The following VAMP2 variants were observed in gnomAD, a reference collection of about 807,000 sequenced individuals.
The protein encoded by VAMP2 is vesicle associated membrane protein 2, also known as vesicle-associated membrane protein 2.
For synonymous variants in VAMP2, 67 were observed against 57.3 expected, an observed-to-expected ratio of 1.17 and a Z score of -0.76; for missense variants, 95 against 151.3, an observed-to-expected ratio of 0.63 and a Z score of 1.95.
rs1460423790 is a variant in VAMP2 at position 8,159,227 on chromosome 17, A to AG, written c.*1627dup. 2.5e-4 allele frequency: 10 copies of AG among 40,080 alleles called. No homozygotes were observed. Among genetic ancestry groups the AG allele is most frequent in the African/African-American group, 9.6e-4 (10 of 10,460 alleles). The allele number at this position is 40,080 out of a possible 1,614,324, so 2.5% of individuals were successfully genotyped here. ...AATTGGGGGCATGGGGTGGGGGAAGAGGGGGGCAGGGGACACTGGGATAAT... is the reference window on the plus strand; with the variant it reads ...AATTGGGGGCATGGGGTGGGGGAAGAGGGGGGGCAGGGGACACTGGGATAAT... On this transcript the variant is annotated 3_prime_UTR_variant, in exon 5 of 5. Transcript: ENST00000316509.
In VAMP2 at chr17:8,160,375, C is replaced by CTTTTTTTTTTTTTTT. The variant is rs1983257163; in HGVS notation, c.*479_*480insAAAAAAAAAAAAAAA. 1 of 46,820 alleles carries CTTTTTTTTTTTTTTT rather than the reference C, an allele frequency of 2.1e-5. No homozygotes were observed. Among genetic ancestry groups the CTTTTTTTTTTTTTTT allele is most frequent in the Non-Finnish European group, 4.6e-5 (1 of 21,696 alleles). The allele number at this position is 46,820 out of a possible 1,614,324, so 2.9% of individuals were successfully genotyped here. Reference sequence around the variant, plus strand: ...GTACCTAAGGAAGCCTGGACAGGTGCTGTTGTTTTTTTTTTTTTTTTTTTT... The same window carrying CTTTTTTTTTTTTTTT: ...GTACCTAAGGAAGCCTGGACAGGTGCTTTTTTTTTTTTTTTTGTTGTTTTTTTTTTTTTTTTTTTT... On this transcript the variant is annotated 3_prime_UTR_variant, in exon 5 of 5. Transcript: ENST00000316509.
At position 8,161,776 on chromosome 17, in the gene VAMP2, G is replaced by A. The variant is rs745675089; in HGVS notation, c.124-10C>T. On this transcript the variant is annotated splice_polypyrimidine_tract_variant and intron_variant, in intron 2 of 4. Transcript: ENST00000316509. ...TCATGATGTCCACCACCTGGGAGAA[G>A]GGCCCACGAGGCAGGGGGGTGTGCC... 6.2e-7 allele frequency: 1 copy of A among 1,610,374 alleles called. No individual in the cohort carries two copies. The highest frequency in any genetic ancestry group is 1.7e-5 in the Admixed American group (1 of 59,880).
chr17:8,162,489 A>G (rs1983347173), intron 1 of VAMP2, 120 bp from the exon 2 acceptor site: 1 of 1,545,248 alleles, frequency 6.5e-7, no homozygotes. Flanking sequence ...GAGGAAGGCC[A>G]CCCGATGTAA....
chr17:8,160,213 T>C lies in VAMP2; in HGVS notation c.*642A>G. 1 of 151,992 alleles carries C rather than the reference T, an allele frequency of 6.6e-6. No homozygotes were observed. The highest frequency in any genetic ancestry group is 1.5e-5 in the Non-Finnish European group (1 of 67,958). The allele number at this position is 151,992 out of a possible 1,614,324, so 9.4% of individuals were successfully genotyped here. On this transcript the variant is annotated 3_prime_UTR_variant, in exon 5 of 5. Coordinates refer to ENST00000316509, the MANE Select transcript of VAMP2 (RefSeq NM_014232.3). ...GAAACACAGGTTGAGAGAAGAGTGA[T>C]GGAACAAAAAGAAATGGAAAGGGAT...
chr17:8,162,725 G>A, intron 1 of VAMP2, 153 bp downstream of exon 1: 1 of 1,288,390 alleles, frequency 7.8e-7, no homozygotes, highest in Non-Finnish European at 9.8e-7. Context: ...CGGGACGCGG[G>A]GCTCCTCGGC....
rs762458663 is a variant in VAMP2, at chr17:8,159,350, C to G, written c.*1505G>C. ...CCTGCTCCCCCTCCACACAGAAAACCAGAAGTGTGGGGGGAAGAAAGTTTG... is the reference window on the plus strand; with the variant it reads ...CCTGCTCCCCCTCCACACAGAAAACGAGAAGTGTGGGGGGAAGAAAGTTTG... On this transcript the variant is annotated 3_prime_UTR_variant, in exon 5 of 5. Transcript: ENST00000316509. 2.0e-5 allele frequency: 3 copies of G among 152,412 alleles called. No homozygotes were observed. Among genetic ancestry groups the G allele is most frequent in the Non-Finnish European group, 4.4e-5 (3 of 68,036 alleles). The allele number at this position is 152,412 out of a possible 1,614,324, so 9.4% of individuals were successfully genotyped here. A position where few individuals can be genotyped will look rare whatever the true frequency, so the allele number is the denominator to read the frequency against.
chr17:8,162,904 T>G lies in VAMP2; in HGVS notation c.-25A>C, dbSNP rs1440068415. ...TGGCGGGGGCAGCGGGTGGAGGACT[T>G]GGCAGCGGCAGTGATGGCGGCGGCG... On this transcript the variant is annotated 5_prime_UTR_variant, in exon 1 of 5. Coordinates refer to ENST00000316509, the MANE Select transcript of VAMP2 (RefSeq NM_014232.3). 1 of 1,209,916 alleles carries G rather than the reference T, an allele frequency of 8.3e-7. No homozygotes were observed. Among genetic ancestry groups the G allele is most frequent in the African/African-American group, 1.6e-5 (1 of 63,494 alleles). The allele number at this position is 1,209,916 out of a possible 1,614,324, so 74.9% of individuals were successfully genotyped here.
chr17:8,162,715 C>T (rs1983355228), intron 1 of VAMP2, 163 bp downstream of exon 1: 4 of 1,302,034 alleles, frequency 3.1e-6, no homozygotes, highest in South Asian at 2.3e-5. Flanking sequence ...CCGGCCAGCC[C>T]GGGACGCGGG....
chr17:8,161,909 G>T, intron 2 of VAMP2, 143 bp from the exon 3 acceptor site: 1 of 1,313,854 alleles, frequency 7.6e-7, no homozygotes, highest in Non-Finnish European at 1.0e-6. Context: ...CACAGAACAT[G>T]CCTAGCACAC....
intron 4 of VAMP2, 41 bp from the exon 5 acceptor site, chr17:8,160,912 G>T: frequency 6.6e-7 from 1 of 1,515,062 alleles, no homozygotes; most frequent in Non-Finnish European, 9.1e-7. Flanking sequence ...AGGGAGAGGG[G>T]AGAGAAAGAG....
chr17:8,161,195 A>G (rs1330292220), intron 4 of VAMP2: 4 of 571,376 alleles, frequency 7.0e-6, no homozygotes, highest in African/African-American at 5.6e-5. Context: ...CCCACTCCTC[A>G]ATTCCAGGGT....
At position 8,162,348 on chromosome 17, in the gene VAMP2, G is replaced by C. The variant is rs528404417; in HGVS notation, c.24C>G (p.Ala8=). Reference sequence around the variant, plus strand: ...CCTCCCCAGCCGGGGCAGCAGGGGGGGCCGTGGCAGCGGTAGCAGACCTGA... The same window carrying C: ...CCTCCCCAGCCGGGGCAGCAGGGGGCGCCGTGGCAGCGGTAGCAGACCTGA... The part of the protein sequence containing the change: MSATAAT[A]PPAAPAGEGG... Residue 8 remains alanine (A), a synonymous_variant, in exon 2 of 5, where the codon GCC becomes GCG. Transcript: ENST00000316509. 6.2e-6 allele frequency: 10 copies of C among 1,607,258 alleles called. No individual in the cohort carries two copies. The African/African-American group carries it at 6.7e-5, about 11-fold the overall frequency.
Position 8,160,386 on chromosome 17 carries a change from T to TTTTTTTTTTTTTTTTTTTTG in VAMP2, c.*449_*468dup, listed in dbSNP as rs1983264956. On this transcript the variant is annotated 3_prime_UTR_variant, in exon 5 of 5. Transcript: ENST00000316509. The stretch of plus-strand genomic sequence containing the variant: ...AGCCTGGACAGGTGCTGTTGTTTTT[T>TTTTTTTTTTTTTTTTTTTTG]TTTTTTTTTTTTTTTTTTTGAGGGC... The TTTTTTTTTTTTTTTTTTTTG allele has an allele frequency of 1.6e-5, 2 of 125,184 alleles. 1 individual carries two copies. The highest frequency in any genetic ancestry group is 3.4e-5 in the Non-Finnish European group (2 of 58,868). The allele number at this position is 125,184 out of a possible 1,614,324, so 7.8% of individuals were successfully genotyped here. A position where few individuals can be genotyped will look rare whatever the true frequency, so the allele number is the denominator to read the frequency against.
In VAMP2 at chr17:8,162,892, G is replaced by C. The variant is rs539569127; in HGVS notation, c.-13C>G. 4.3e-4 allele frequency: 526 copies of C among 1,211,654 alleles called. 3 individuals are homozygous for C. In the African/African-American group the frequency reaches 7.6e-3, roughly 18 times the overall value. The allele number at this position is 1,211,654 out of a possible 1,614,324, so 75.1% of individuals were successfully genotyped here. On this transcript the variant is annotated 5_prime_UTR_variant, in exon 1 of 5. Transcript: ENST00000316509. ...GGCCGACTCACATGGCGGGGGCAGC[G>C]GGTGGAGGACTTGGCAGCGGCAGTG...
chr17:8,160,148 G>C lies in VAMP2; in HGVS notation c.*707C>G, dbSNP rs963330906. 1 of 152,390 alleles carries C rather than the reference G, an allele frequency of 6.6e-6. No individual in the cohort carries two copies. Among genetic ancestry groups the C allele is most frequent in the Non-Finnish European group, 1.5e-5 (1 of 68,014 alleles). 9.4% of individuals were successfully genotyped at this position (152,390 alleles called of 1,614,324 possible). On this transcript the variant is annotated 3_prime_UTR_variant, in exon 5 of 5. Coordinates refer to ENST00000316509, the MANE Select transcript of VAMP2 (RefSeq NM_014232.3). ...AGTAATGTCGTGCAAATGAAAATGT[G>C]ATACAAGAACTAATGGGGACTAACT...
At position 8,160,718 on chromosome 17, in the gene VAMP2, A is replaced by T; in HGVS notation, c.*137T>A. On this transcript the variant is annotated 3_prime_UTR_variant, in exon 5 of 5. Coordinates refer to ENST00000316509, the MANE Select transcript of VAMP2 (RefSeq NM_014232.3). ...ATGTATAAATAACAGCTGGCTATTT[A>T]CAGGGGGACACACACACGGACACAC... is the stretch of plus-strand genomic sequence containing the variant. 1.5e-6 allele frequency: 1 copy of T among 653,752 alleles called. No individual in the cohort carries two copies. Among genetic ancestry groups the T allele is most frequent in the Non-Finnish European group, 2.4e-6 (1 of 409,236 alleles). 40.5% of individuals were successfully genotyped at this position (653,752 alleles called of 1,614,324 possible).
chr17:8,162,446 G>C (rs1464089010), intron 1 of VAMP2, 77 bp from the exon 2 acceptor site: 2 of 1,570,858 alleles, frequency 1.3e-6, no homozygotes, highest in Admixed American at 3.8e-5. Context: ...CCATCCACCT[G>C]TCCATCCTCG....
rs776904575 is a variant in VAMP2 at position 8,161,784 on chromosome 17, G to A, written c.124-18C>T. Reference sequence around the variant, plus strand: ...TCCACCACCTGGGAGAAGGGCCCACGAGGCAGGGGGGTGTGCCAAGGCCCA... The same window carrying A: ...TCCACCACCTGGGAGAAGGGCCCACAAGGCAGGGGGGTGTGCCAAGGCCCA... On this transcript the variant is annotated intron_variant, in intron 2 of 4. Transcript: ENST00000316509. 3 of 1,607,114 alleles carry A rather than the reference G, an allele frequency of 1.9e-6. No individual in the cohort carries two copies. The highest frequency in any genetic ancestry group is 2.2e-5 in the South Asian group (2 of 90,840).
chr17:8,162,769 C>T, intron 1 of VAMP2, 109 bp downstream of exon 1: 2 of 1,240,096 alleles, frequency 1.6e-6, no homozygotes, highest in South Asian at 3.5e-5. Flanking sequence ...GGGCCTGGCC[C>T]CGGGGCGCGG....
Sources: gnomAD v4.1 joint callset for allele counts on GRCh38, gnomAD v4.1.1 for gene constraint, MANE v1.5 for transcripts, NCBI Gene and HGNC (gene_info 2026-07-23, HGNC 2026-07-21) for gene names.